The following MAN1A1 variants were observed in gnomAD, a reference collection of about 807,000 sequenced individuals.
MAN1A1 encodes mannosidase alpha class 1A member 1, also known as mannosyl-oligosaccharide 1,2-alpha-mannosidase IA.
MAN1A1 carries 29 observed loss-of-function variants against 70.8 expected under a neutral mutation model. That is an observed-to-expected ratio of 0.41 (90% CI 0.31 to 0.56). The LOEUF is 0.56. Ranked by LOEUF, MAN1A1 falls within the 20% of genes least tolerant of loss-of-function variation. The pLI, the probability that MAN1A1 is intolerant of heterozygous loss-of-function variation, is 0.29. For missense variants in MAN1A1, 747 were observed against 841.3 expected (o/e 0.89, Z 1.39); for synonymous variants, 349 against 330.1 (o/e 1.06, Z -0.62).
At chr6:119,241,908 G>A (rs1775014704) in intron 6 of MAN1A1, among the ~76,000 whole-genome samples, 1 of 151,282 alleles carries the variant, frequency 6.6e-6, no homozygotes, top group African/African-American at 2.4e-5. Context: ...ATGTGTGTGT[G>A]TGTGTGTGTG....
At position 119,188,276 on chromosome 6, in the gene MAN1A1, C is replaced by T. The variant is rs548444929; in HGVS notation, c.1719+129G>A. ...ATGACTTCAATGAAAATACACAGTCCTGGGTGGAAAAAATCCTGGTCGAAG... is the reference window on the plus strand; with the variant it reads ...ATGACTTCAATGAAAATACACAGTCTTGGGTGGAAAAAATCCTGGTCGAAG... On this transcript the variant is annotated intron_variant, in intron 11 of 12. Coordinates refer to ENST00000368468, the MANE Select transcript of MAN1A1 (RefSeq NM_005907.4). The T allele has an allele frequency of 1.6e-5, 13 of 826,944 alleles. No homozygotes were observed. In the Admixed American group the frequency reaches 1.8e-4, roughly 12 times the overall value. 51.2% of individuals were successfully genotyped at this position (826,944 alleles called of 1,614,324 possible). A position where few individuals can be genotyped will look rare whatever the true frequency, so the allele number is the denominator to read the frequency against.
intron 2 of MAN1A1, among the ~76,000 whole-genome samples, chr6:119,311,610 G>A (rs1772703426): frequency 2.6e-5 from 4 of 152,160 alleles, no homozygotes; most frequent in Admixed American, 1.3e-4. Context: ...GCTTTAATGA[G>A]TGGTGCTTTG....
rs181439268 is a variant in MAN1A1 at position 119,250,945 on chromosome 6, T to C, written c.898-2591A>G. 2.6e-5 allele frequency among the ~76,000 whole-genome samples: 4 copies of C among 152,300 alleles called. No homozygotes were observed. The East Asian group carries it at 5.8e-4, about 22-fold the overall frequency. On this transcript the variant is annotated intron_variant, in intron 5 of 12. Transcript: ENST00000368468. Reference sequence around the variant, plus strand: ...CCCCAGCTCTATCACTGACATTATTTTCTGGTCAGTCCCTTGGACTCAAGT... The same window carrying C: ...CCCCAGCTCTATCACTGACATTATTCTCTGGTCAGTCCCTTGGACTCAAGT...
At chr6:119,275,267 T>C (rs1359077574) in intron 5 of MAN1A1, among the ~76,000 whole-genome samples, 2 of 105,924 alleles carry the variant, frequency 1.9e-5, no homozygotes, top group Non-Finnish European at 3.7e-5. Flanking sequence ...TGCACCACCA[T>C]ACCCAGCTAA....
chr6:119,186,578 C>A (rs1244982103), intron 11 of MAN1A1, among the ~76,000 whole-genome samples: 1 of 152,220 alleles, frequency 6.6e-6, no homozygotes, highest in Non-Finnish European at 1.5e-5. Context: ...AACTCCAAAA[C>A]CTCCTTGGTT....
intron 5 of MAN1A1, among the ~76,000 whole-genome samples, chr6:119,265,102 A>T (rs867235212): frequency 1.2e-4 from 17 of 141,510 alleles, no homozygotes; most frequent in African/African-American, 2.4e-4. Flanking sequence ...CCTTTTTTAA[A>T]TTTTTTTTTT....
intron 2 of MAN1A1, among the ~76,000 whole-genome samples, chr6:119,322,464 C>T (rs972219490): frequency 6.6e-6 from 1 of 152,140 alleles, no homozygotes; most frequent in Non-Finnish European, 1.5e-5. Flanking sequence ...AAGGAATTGT[C>T]TTCCTAGTAT....
chr6:119,324,657 G>T (rs993924216), intron 2 of MAN1A1, among the ~76,000 whole-genome samples: 1 of 152,074 alleles, frequency 6.6e-6, no homozygotes, highest in Non-Finnish European at 1.5e-5. Flanking sequence ...ATAATCACCA[G>T]AACAATTATT....
At chr6:119,329,919 TATC>T (rs1053563168) in intron 2 of MAN1A1, among the ~76,000 whole-genome samples, 4 of 152,152 alleles carry the variant, frequency 2.6e-5, no homozygotes, top group Admixed American at 2.6e-4. Context: ...TCTTAGTCCT[TATC>T]TTGACTCTCA....
chr6:119,206,468 C>G (rs1465728097), intron 6 of MAN1A1, among the ~76,000 whole-genome samples: 3 of 152,114 alleles, frequency 2.0e-5, no homozygotes, highest in African/African-American at 4.8e-5. Context: ...ACTTCCTGCT[C>G]CTTTCTACAG....
chr6:119,188,622 G>A (rs1272665972), intron 10 of MAN1A1, 45 bp from the exon 11 acceptor site: 10 of 1,516,418 alleles, frequency 6.6e-6, no homozygotes, highest in Non-Finnish European at 9.0e-6. Flanking sequence ...TTCCTGGACA[G>A]TGCTTACAGT....
intron 6 of MAN1A1, among the ~76,000 whole-genome samples, chr6:119,210,421 A>G (rs1379756644): frequency 6.6e-6 from 1 of 152,044 alleles, no homozygotes; most frequent in Non-Finnish European, 1.5e-5. Context: ...ATGCATATAC[A>G]CCACTTAAAA....
At chr6:119,339,247 T>A (rs1022331268) in intron 2 of MAN1A1, among the ~76,000 whole-genome samples, 2 of 152,194 alleles carry the variant, frequency 1.3e-5, no homozygotes, top group African/African-American at 4.8e-5. Context: ...TTGGCCAATT[T>A]ATTTCCCCTC....
chr6:119,313,470 GA>G (rs1772767409), intron 2 of MAN1A1, among the ~76,000 whole-genome samples: 2 of 152,148 alleles, frequency 1.3e-5, no homozygotes, highest in Non-Finnish European at 2.9e-5. Flanking sequence ...TTCAAATGCT[GA>G]AATAAATGTA....
chr6:119,258,405 T>C (rs896096027), intron 5 of MAN1A1, among the ~76,000 whole-genome samples: 3 of 152,202 alleles, frequency 2.0e-5, no homozygotes, highest in Non-Finnish European at 4.4e-5. Context: ...TATAGACTTG[T>C]CATTATTCCT....
At chr6:119,273,600 A>G (rs2099128895) in intron 5 of MAN1A1, among the ~76,000 whole-genome samples, 9 of 152,164 alleles carry the variant, frequency 5.9e-5, no homozygotes, top group Admixed American at 5.9e-4. Context: ...TTTTTGGATT[A>G]TTTCCTTTGG....
chr6:119,217,908 T>A (rs1417772130), intron 6 of MAN1A1, among the ~76,000 whole-genome samples: 1 of 152,334 alleles, frequency 6.6e-6, no homozygotes, highest in African/African-American at 2.4e-5. Flanking sequence ...GCAACATGCC[T>A]GTTTCAATTA....
chr6:119,204,639 G>C lies in MAN1A1; in HGVS notation c.1116+120C>G, dbSNP rs889024088. The C allele has an allele frequency of 4.8e-6, 6 of 1,253,554 alleles. No individual in the cohort carries two copies. In the African/African-American group the frequency reaches 9.0e-5, roughly 19 times the overall value. 77.7% of individuals were successfully genotyped at this position (1,253,554 alleles called of 1,614,324 possible). On this transcript the variant is annotated intron_variant, in intron 7 of 12. Transcript: ENST00000368468. ...AAATGCTGCATGTTGCAAAACTTCA[G>C]AAAGAGCTATAACAAATTTGGTTAT...
At chr6:119,251,570 A>G (rs1392105859) in intron 5 of MAN1A1, among the ~76,000 whole-genome samples, 3 of 152,218 alleles carry the variant, frequency 2.0e-5, no homozygotes, top group African/African-American at 7.2e-5. Flanking sequence ...ACTGATAACT[A>G]GTACCATACA....
Sources: allele counts gnomAD v4.1 joint callset (sites outside exome capture counted in the v4.1 genomes callset), GRCh38; gene constraint gnomAD v4.1.1; transcripts MANE v1.5; gene names NCBI Gene and HGNC (gene_info 2026-07-23, HGNC 2026-07-21).